DBN1: variants seen among roughly 807,000 people sequenced by gnomAD.
The protein encoded by DBN1 is drebrin.
A neutral mutation model predicts 83.5 loss-of-function variants in DBN1; 21 were observed. The observed-to-expected ratio is 0.25, with a 90% CI of 0.18 to 0.36. The LOEUF is 0.36. Among genes scored for constraint, DBN1 ranks in the 10% least tolerant of loss-of-function variants. The pLI, the probability that DBN1 is intolerant of heterozygous loss-of-function variation, is 1.00. For synonymous variants in DBN1, 381 were observed against 384.9 expected, an observed-to-expected ratio of 0.99 and a Z score of 0.12; for missense variants, 874 against 935.7, an observed-to-expected ratio of 0.93 and a Z score of 0.86.
chr5:177,471,828 G>C (rs1411252269), intron 1 of DBN1, among the ~76,000 whole-genome samples: 1 of 152,120 alleles, frequency 6.6e-6, no homozygotes, highest in Non-Finnish European at 1.5e-5. Flanking sequence ...GCAGGATGTG[G>C]GGCAACAGGG....
Position 177,457,652 on chromosome 5 carries a change from T to TAC in DBN1, c.2017+1_2017+2dup, listed in dbSNP as rs1328220686. ...TCCTCCCCATCATCCAGCCCAGTAC[T>TAC]ACCTGGAGGCTTGTTGTAGAACACA... is the stretch of plus-strand genomic sequence containing the variant. On this transcript the variant is annotated splice_region_variant and intron_variant, in intron 14 of 14. Coordinates refer to ENST00000393565, the MANE Select transcript of DBN1 (RefSeq NM_001363541.2). 1.3e-6 allele frequency: 2 copies of TAC among 1,588,674 alleles called. No homozygotes were observed. The highest frequency in any genetic ancestry group is 2.2e-5 in the South Asian group (2 of 90,134).
chr5:177,472,322 C>T (rs924150586), intron 1 of DBN1: 1 of 1,525,822 alleles, frequency 6.6e-7, no homozygotes, highest in Non-Finnish European at 8.8e-7. Context: ...TCCTCTTTGC[C>T]TCAGTTTCCT....
At chr5:177,471,876 T>C (rs1039364055) in intron 1 of DBN1, among the ~76,000 whole-genome samples, 3 of 152,010 alleles carry the variant, frequency 2.0e-5, no homozygotes, top group African/African-American at 7.2e-5. Context: ...AGAGCTCTGC[T>C]TTTAGGAGAA....
At position 177,467,872 on chromosome 5, in the gene DBN1, G is replaced by A. The variant is rs966921173; in HGVS notation, c.256-55C>T. On this transcript the variant is annotated intron_variant, in intron 3 of 14. Transcript: ENST00000393565. This position sits in a 1 kb window ranked among gnomAD's most constrained non-coding sequence, Gnocchi z 9.1. ...GGAAAGGACAAGGGGGGCCCTACAC[G>A]ATAGGGTGCATCTTCCCCGGGGTGG... 8.2e-6 allele frequency: 13 copies of A among 1,577,142 alleles called. No individual in the cohort carries two copies. Among genetic ancestry groups the A allele is most frequent in the Middle Eastern group, 3.4e-4 (2 of 5,962 alleles).
chr5:177,461,946 G>A (rs1315318033), intron 8 of DBN1, among the ~76,000 whole-genome samples: 1 of 152,158 alleles, frequency 6.6e-6, no homozygotes, highest in African/African-American at 2.4e-5. Flanking sequence ...CTTTCATACT[G>A]AGATGAGGGT....
chr5:177,467,273 C>T lies in DBN1; in HGVS notation c.537G>A (p.Gln179=), dbSNP rs768501437. 4 of 1,614,186 alleles carry T rather than the reference C, an allele frequency of 2.5e-6. No homozygotes were observed. The South Asian group carries it at 4.4e-5, about 18-fold the overall frequency. ...AVEMKRINRE[Q]FWEQAKKEEE... ...TCCATACCTTGGCCTGCTCCCAGAA[C>T]TGCTCTCGGTTAATCCGCTTCATTT... is the stretch of plus-strand genomic sequence containing the variant. Residue 179 remains glutamine (Q), a synonymous_variant, in exon 6 of 15, where the codon CAG becomes CAA. Coordinates refer to ENST00000393565, the MANE Select transcript of DBN1 (RefSeq NM_001363541.2). This position sits in a 1 kb window ranked among gnomAD's most constrained non-coding sequence, Gnocchi z 9.1.
Position 177,467,440 on chromosome 5 carries a change from G to GCCACGCAGGCAGAGC in DBN1, c.477+26_477+40dup, listed in dbSNP as rs1561686359. The GCCACGCAGGCAGAGC allele has an allele frequency of 2.5e-6, 4 of 1,610,370 alleles. No homozygotes were observed. In the Admixed American group the frequency reaches 6.7e-5, roughly 27 times the overall value. ...CGGGCAGGCCAGACTCGGGCACCAGGCCACGCAGGCAGAGCCCACGGGTGC... is the reference window on the plus strand; with the variant it reads ...CGGGCAGGCCAGACTCGGGCACCAGGCCACGCAGGCAGAGCCCACGCAGGCAGAGCCCACGGGTGC... On this transcript the variant is annotated intron_variant, in intron 5 of 14. Coordinates refer to ENST00000393565, the MANE Select transcript of DBN1 (RefSeq NM_001363541.2). The surrounding 1 kb of genome is among the most constrained non-coding windows in gnomAD (Gnocchi z 9.1).
rs756080822 is a variant in DBN1 at position 177,457,387 on chromosome 5, G to A, written c.*46C>T. ...GCGGGCCGTCTGGCCAGAGGCTGAT[G>A]CAGGTGGGCGGCCTTGGCAAGGGTA... On this transcript the variant is annotated 3_prime_UTR_variant, in exon 15 of 15. Coordinates refer to ENST00000393565, the MANE Select transcript of DBN1 (RefSeq NM_001363541.2). The A allele has an allele frequency of 6.5e-7, 1 of 1,535,894 alleles. No homozygotes were observed. Among genetic ancestry groups the A allele is most frequent in the South Asian group, 1.1e-5 (1 of 89,550 alleles).
intron 1 of DBN1, chr5:177,472,832 G>A: frequency 1.0e-6 from 1 of 986,332 alleles, no homozygotes; most frequent in Non-Finnish European, 1.2e-6. Context: ...TCGCCATGTG[G>A]CAGCAAACAT....
chr5:177,468,531 AT>A, intron 2 of DBN1: 1 of 469,358 alleles, frequency 2.1e-6, no homozygotes, highest in Admixed American at 3.5e-5. Flanking sequence ...CAGAGGCACA[AT>A]CAAGCCTTCT....
In DBN1 at chr5:177,461,288, C is replaced by T. The variant is rs1223226089; in HGVS notation, c.772-585G>A. 2.0e-5 allele frequency among the ~76,000 whole-genome samples: 3 copies of T among 151,388 alleles called. No individual in the cohort carries two copies. In the South Asian group the frequency reaches 6.3e-4, roughly 32 times the overall value. On this transcript the variant is annotated intron_variant, in intron 8 of 14. Coordinates refer to ENST00000393565, the MANE Select transcript of DBN1 (RefSeq NM_001363541.2). ...TAATTTTTTGTATTTTTAGTAGAGA[C>T]AGGGTTTCACCGTTTTAGCCGGGAT...
Position 177,467,053 on chromosome 5 carries a change from C to T in DBN1, c.565G>A (p.Glu189Lys). The T allele has an allele frequency of 1.9e-6, 3 of 1,613,872 alleles. No individual in the cohort carries two copies. Among genetic ancestry groups the T allele is most frequent in the Non-Finnish European group, 1.7e-6 (2 of 1,179,952 alleles). Residue 189 changes from glutamate to lysine, a missense_variant, in exon 7 of 15, where the codon GAG becomes AAG. By Grantham distance (56) the Glu-to-Lys change is moderately conservative. Around this residue, in one of 4 missense-constraint regions of DBN1, gnomAD observed 725 missense variants for 719.7 expected, o/e 1.01. Transcript: ENST00000393565. This position sits in a 1 kb window ranked among gnomAD's most constrained non-coding sequence, Gnocchi z 9.1. ...TTCCGCTCCTCCTCCTTCCGCAGCT[C>T]TTCTTCCTTCTGCAAGCCCCGGTGC... The part of the protein sequence containing the change: ...QFWEQAKKEE[E>K]LRKEEERKKA...
rs777890271 is a variant in DBN1, at chr5:177,460,644, C to T, written c.831G>A (p.Glu277=). 6.2e-7 allele frequency: 1 copy of T among 1,614,226 alleles called. No individual in the cohort carries two copies. Among genetic ancestry groups the T allele is most frequent in the South Asian group, 1.1e-5 (1 of 91,086 alleles). Residue 277 remains glutamate, a splice_region_variant and synonymous_variant, in exon 9 of 15, where the codon GAG becomes GAA. Coordinates refer to ENST00000393565, the MANE Select transcript of DBN1 (RefSeq NM_001363541.2). ...CCTGGCTGGTGCCCCCAGCTCTCAC[C>T]TCCACCTCCGACTCTGACTTCTTCA... is the stretch of plus-strand genomic sequence containing the variant. ...THMKKSESEV[E]EAAAIIAQRP... is the part of the protein sequence containing the mutation.
intron 12 of DBN1, 83 bp from the exon 13 acceptor site, chr5:177,458,790 G>A: frequency 7.6e-7 from 1 of 1,314,958 alleles, no homozygotes; most frequent in Non-Finnish European, 1.0e-6. Flanking sequence ...AAGGAGTGAG[G>A]GAGCCAGGGA....
intron 2 of DBN1, 153 bp downstream of exon 2, chr5:177,468,691 G>C: frequency 2.1e-6 from 1 of 475,184 alleles, no homozygotes; most frequent in East Asian, 3.1e-5. Context: ...TGGGGACACA[G>C]GGATGACTGG....
At position 177,458,208 on chromosome 5, in the gene DBN1, G is replaced by A. The variant is rs1369729607; in HGVS notation, c.1764C>T (p.Thr588=). The A allele has an allele frequency of 6.2e-7, 1 of 1,612,948 alleles. No homozygotes were observed. The highest frequency in any genetic ancestry group is 8.5e-7 in the Non-Finnish European group (1 of 1,179,746). Residue 588 remains threonine, a synonymous_variant, in exon 13 of 15, where the codon ACC becomes ACT. Transcript: ENST00000393565. The stretch of plus-strand genomic sequence containing the variant: ...CTTCCACTTCCTCTGGGTCACAGAA[G>A]GTGGCTGGCGGCTCAGGCAGCTCAT... ...NFDELPEPPA[T]FCDPEEVEGE... is the part of the protein sequence containing the mutation.
intron 8 of DBN1, among the ~76,000 whole-genome samples, chr5:177,465,728 G>A (rs980378125): frequency 5.3e-5 from 8 of 151,856 alleles, no homozygotes; most frequent in Admixed American, 6.6e-5. Context: ...GATGGTGTGC[G>A]CCTGTAATCC....
Position 177,457,232 on chromosome 5 carries a change from C to T in DBN1, c.*201G>A, listed in dbSNP as rs928335769. 4.2e-5 allele frequency: 25 copies of T among 597,730 alleles called. No homozygotes were observed. Among genetic ancestry groups the T allele is most frequent in the African/African-American group, 3.4e-4 (18 of 53,698 alleles). The allele number at this position is 597,730 out of a possible 1,614,324, so 37.0% of individuals were successfully genotyped here. A position where few individuals can be genotyped will look rare whatever the true frequency, so the allele number is the denominator to read the frequency against. ...GAAAGCCAGTCAACTGTACAAGTCT[C>T]CTATCAACTTTTTAAAAAAAGAGAA... On this transcript the variant is annotated 3_prime_UTR_variant, in exon 15 of 15. Coordinates refer to ENST00000393565, the MANE Select transcript of DBN1 (RefSeq NM_001363541.2).
rs1185604659 is a variant in DBN1 at position 177,459,533 on chromosome 5, G to A, written c.1093+70C>T. On this transcript the variant is annotated intron_variant, in intron 11 of 14. Transcript: ENST00000393565. ...AGATCAGCGGTCAGACTGGGGGAGT[G>A]AGGGCGGGGGGCTGCTGGGAAGCGG... 11 of 1,423,526 alleles carry A rather than the reference G, an allele frequency of 7.7e-6. No homozygotes were observed. The African/African-American group carries it at 1.3e-4, about 17-fold the overall frequency. 88.2% of individuals were successfully genotyped at this position (1,423,526 alleles called of 1,614,324 possible).
Sources: allele counts gnomAD v4.1 joint callset (sites outside exome capture counted in the v4.1 genomes callset), GRCh38; gene constraint gnomAD v4.1.1; regional missense constraint gnomAD v4.1.1; non-coding constraint Gnocchi (gnomAD v3.1); transcripts MANE v1.5; gene names NCBI Gene and HGNC (gene_info 2026-07-23, HGNC 2026-07-21).